Variants in XKR6 observed in about 807,000 individuals in gnomAD.
XKR6 encodes the protein XK-related protein 6.
In XKR6, 22 loss-of-function variants were observed where a neutral mutation model predicts 56.7. That is an observed-to-expected ratio of 0.39 (90% CI 0.28 to 0.55). The LOEUF (loss-of-function observed/expected upper bound fraction) is 0.55, where lower values mean the gene tolerates loss of function less well. Ranked by LOEUF, XKR6 falls within the 20% of genes least tolerant of loss-of-function variation. XKR6 has a pLI of 0.66. For missense variants in XKR6, 852 were observed against 889.0 expected, an observed-to-expected ratio of 0.96 and a Z score of 0.53; for synonymous variants, 524 against 387.8, an observed-to-expected ratio of 1.35 and a Z score of -4.13.
intron 1 of XKR6, among the ~76,000 whole-genome samples, chr8:11,085,382 C>G (rs1465385781): frequency 6.6e-6 from 1 of 152,322 alleles, no homozygotes; most frequent in Admixed American, 6.5e-5. Context: ...CCACATCCTC[C>G]TGCAGGGGAC....
intron 1 of XKR6, among the ~76,000 whole-genome samples, chr8:11,077,212 C>G (rs1800296870): frequency 6.6e-6 from 1 of 152,148 alleles, no homozygotes; most frequent in South Asian, 2.1e-4. Flanking sequence ...TTGTGTCCAG[C>G]TGCCGGGAAG....
intron 1 of XKR6, among the ~76,000 whole-genome samples, chr8:10,947,301 G>A (rs1801582180): frequency 6.6e-6 from 1 of 152,192 alleles, no homozygotes; most frequent in Non-Finnish European, 1.5e-5. Flanking sequence ...GAAAAGGAGA[G>A]CAAAGGTTTG....
At chr8:11,106,997 C>A (rs1798703598) in intron 1 of XKR6, among the ~76,000 whole-genome samples, 1 of 152,042 alleles carries the variant, frequency 6.6e-6, no homozygotes, top group African/African-American at 2.4e-5. Context: ...AGCAAGTGAA[C>A]TCTTTAAGGC....
intron 1 of XKR6, among the ~76,000 whole-genome samples, chr8:11,038,825 G>C (rs1351259779): frequency 6.6e-6 from 1 of 152,078 alleles, no homozygotes; most frequent in Non-Finnish European, 1.5e-5. Flanking sequence ...ACAGGCATGA[G>C]CCACCGCGCC....
intron 1 of XKR6, among the ~76,000 whole-genome samples, chr8:11,160,925 A>G (rs914070227): frequency 1.3e-5 from 2 of 151,282 alleles, no homozygotes; most frequent in Admixed American, 1.3e-4. Flanking sequence ...AAAAAAAAAA[A>G]AAAAAAGAAA....
At chr8:11,136,538 C>G (rs1358582059) in intron 1 of XKR6, among the ~76,000 whole-genome samples, 1 of 151,792 alleles carries the variant, frequency 6.6e-6, no homozygotes, top group African/African-American at 2.4e-5. Flanking sequence ...ACGTTGAAGC[C>G]CTAACCCCCA....
intron 1 of XKR6, among the ~76,000 whole-genome samples, chr8:11,082,348 T>G (rs918328057): frequency 1.3e-5 from 2 of 152,020 alleles, no homozygotes; most frequent in Admixed American, 6.6e-5. Flanking sequence ...GGAGCAAGAG[T>G]TGGTCAATTT....
rs551607424 is a variant in XKR6, at chr8:10,962,907, G to A, written c.765-38077C>T. On this transcript the variant is annotated intron_variant, in intron 1 of 2. Coordinates refer to ENST00000416569, the MANE Select transcript of XKR6 (RefSeq NM_173683.4). ...CAAAGTGCTGAGATTACAGGCATGA[G>A]CCATCGCACCTGGACTGGTTCATCT... 3.0e-4 allele frequency among the ~76,000 whole-genome samples: 46 copies of A among 152,286 alleles called. 1 individual carries two copies. Among genetic ancestry groups the A allele is most frequent in the African/African-American group, 1.0e-3 (43 of 41,554 alleles).
At chr8:11,049,022 ATCCCGTGACTATGCCCTAGGTGGTAT>A (rs1318515729) in intron 1 of XKR6, among the ~76,000 whole-genome samples, 1 of 152,140 alleles carries the variant, frequency 6.6e-6, no homozygotes, top group Non-Finnish European at 1.5e-5. Context: ...TCGGAACAAG[ATCCCGTGACTATGCCCTAGGTGGTAT>A]TCTGGAGGTC....
intron 1 of XKR6, among the ~76,000 whole-genome samples, chr8:11,095,764 C>A (rs1798247747): frequency 1.3e-5 from 2 of 152,082 alleles, no homozygotes; most frequent in South Asian, 4.1e-4. Context: ...GGGATATGAC[C>A]CAGGCACTGG....
intron 1 of XKR6, among the ~76,000 whole-genome samples, chr8:11,074,189 G>C (rs980594501): frequency 2.6e-5 from 4 of 152,166 alleles, no homozygotes; most frequent in African/African-American, 9.7e-5. Context: ...CCAGCGATGG[G>C]GCTGCTCTGT....
intron 1 of XKR6, among the ~76,000 whole-genome samples, chr8:11,191,212 A>C (rs761907623): frequency 6.6e-6 from 1 of 152,216 alleles, no homozygotes; most frequent in Non-Finnish European, 1.5e-5. Context: ...TGGCTATCAA[A>C]CCTTAAAGGT....
At chr8:11,117,404 C>A (rs1371809864) in intron 1 of XKR6, among the ~76,000 whole-genome samples, 2 of 152,166 alleles carry the variant, frequency 1.3e-5, no homozygotes, top group Non-Finnish European at 2.9e-5. Flanking sequence ...ACCCTAAACA[C>A]AACACATTTA....
intron 1 of XKR6, among the ~76,000 whole-genome samples, chr8:11,132,518 C>G (rs1223081504): frequency 6.6e-6 from 1 of 151,748 alleles, no homozygotes; most frequent in African/African-American, 2.4e-5. Context: ...CCCACCACCA[C>G]GCCAGGCTAA....
chr8:11,098,540 G>C (rs2129175185), intron 1 of XKR6, among the ~76,000 whole-genome samples: 1 of 152,266 alleles, frequency 6.6e-6, no homozygotes, highest in African/African-American at 2.4e-5. Context: ...AGGAACTCTT[G>C]TCTCATCAGA....
chr8:11,044,608 AT>A (rs1477206311), intron 1 of XKR6, among the ~76,000 whole-genome samples: 2 of 151,942 alleles, frequency 1.3e-5, no homozygotes, highest in African/African-American at 4.8e-5. Flanking sequence ...ACGCTGTCTT[AT>A]AAGCAGGCAG....
chr8:11,062,638 G>T (rs569823762), intron 1 of XKR6: 2 of 401,386 alleles, frequency 5.0e-6, no homozygotes, highest in East Asian at 7.3e-5. Flanking sequence ...TAAAAGCAAA[G>T]AATCCCACAA....
intron 1 of XKR6, among the ~76,000 whole-genome samples, chr8:10,951,961 C>A (rs1801737832): frequency 6.6e-6 from 1 of 152,138 alleles, no homozygotes; most frequent in South Asian, 2.1e-4. Flanking sequence ...CAGCCCCCTG[C>A]CCTCCTCTAG....
chr8:10,928,629 CG>C (rs1207000234), intron 1 of XKR6, among the ~76,000 whole-genome samples: 2 of 148,834 alleles, frequency 1.3e-5, no homozygotes, highest in Non-Finnish European at 2.9e-5. Context: ...AGACCCTAAG[CG>C]TCGCGGAAAC....
Sources: allele counts gnomAD v4.1 joint callset (sites outside exome capture counted in the v4.1 genomes callset), GRCh38; gene constraint gnomAD v4.1.1; transcripts MANE v1.5; gene names NCBI Gene and HGNC (gene_info 2026-07-23, HGNC 2026-07-21).